Variants in CMTR1 observed in about 807,000 individuals in gnomAD.
The protein encoded by CMTR1 is cap-specific mRNA (nucleoside-2'-O-)-methyltransferase 1.
In CMTR1, 39 loss-of-function variants were observed where a neutral mutation model predicts 107.0. The observed-to-expected ratio is 0.36, with a 90% CI of 0.28 to 0.48. The LOEUF is 0.48. Among genes scored for constraint, CMTR1 ranks in the 20% least tolerant of loss-of-function variants. The pLI is 0.99. For missense variants in CMTR1, 672 were observed against 1,064.9 expected, an observed-to-expected ratio of 0.63 and a Z score of 5.14; for synonymous variants, 366 against 379.5, an observed-to-expected ratio of 0.96 and a Z score of 0.41.
intron 13 of CMTR1, among the ~76,000 whole-genome samples, chr6:37,464,466 CAAAA>C (rs536711395): frequency 1.7e-5 from 2 of 116,916 alleles, no homozygotes; most frequent in African/African-American, 3.2e-5. Context: ...GACTCCATCT[CAAAA>C]AAAAAAAAAA....
At chr6:37,473,365 A>G (rs779672505) in intron 16 of CMTR1, 105 bp from the exon 17 acceptor site, 13 of 1,272,096 alleles carry the variant, frequency 1.0e-5, no homozygotes, top group East Asian at 7.1e-5. Context: ...CAGAGAGCCA[A>G]TGCTTCCTGT....
chr6:37,459,756 T>G, intron 10 of CMTR1, 72 bp downstream of exon 10: 1 of 1,093,538 alleles, frequency 9.1e-7, no homozygotes, highest in Non-Finnish European at 1.4e-6. Flanking sequence ...ATTGTTTGTT[T>G]TATCTGGTTC....
At chr6:37,476,344 C>A in intron 20 of CMTR1, 150 bp downstream of exon 20, 1 of 774,648 alleles carries the variant, frequency 1.3e-6, no homozygotes, top group East Asian at 2.6e-5. Context: ...TTTGGGGGTG[C>A]TAGGTAGGTG....
rs1268955505 is a variant in CMTR1 at position 37,458,081 on chromosome 6, G to T, written c.778-531G>T. Among the ~76,000 whole-genome samples the T allele has an allele frequency of 6.6e-6, 1 of 152,150 alleles. No individual in the cohort carries two copies. The highest frequency in any genetic ancestry group is 2.4e-5 in the African/African-American group (1 of 41,434). On this transcript the variant is annotated intron_variant, in intron 8 of 23. Transcript: ENST00000373451. This position sits in a 1 kb window ranked among gnomAD's most constrained non-coding sequence, Gnocchi z 4.7. ...TTTTTGTTGTTTTTGTTGAGACAGGGTCTCGGTCTGTCGCCCAGGCTCAAG... is the reference window on the plus strand; with the variant it reads ...TTTTTGTTGTTTTTGTTGAGACAGGTTCTCGGTCTGTCGCCCAGGCTCAAG...
At chr6:37,428,062 A>AGAGAGAGAGAGAGAC in the CMTR1 span, among the ~76,000 whole-genome samples, 4 of 92,856 alleles carry the variant, frequency 4.3e-5, no homozygotes, top group Admixed American at 1.1e-4. Flanking sequence ...GAGAGAGAGA[A>AGAGAGAGAGAGAGAC]ACTCTCTAAA....
chr6:37,466,712 T>G (rs545407691), intron 13 of CMTR1, among the ~76,000 whole-genome samples: 10 of 152,292 alleles, frequency 6.6e-5, no homozygotes, highest in African/African-American at 2.2e-4. Flanking sequence ...TGTAGGAAGT[T>G]TTAAAATTAG....
chr6:37,475,525 C>T, intron 19 of CMTR1, 113 bp downstream of exon 19: 1 of 854,380 alleles, frequency 1.2e-6, no homozygotes, highest in Non-Finnish European at 1.9e-6. Flanking sequence ...TTGTTGACAT[C>T]CTGAGAGTTT....
Position 37,444,072 on chromosome 6 carries a change from T to C in CMTR1, c.207T>C (p.Asp69=), listed in dbSNP as rs1771729979. The change falls in exon 3 of 24, where the codon GAT becomes GAC. Residue 69 remains aspartate (D), a synonymous_variant. Transcript: ENST00000373451. ...AACACAGCTCTGACTCTTTTGACGATGCATTCAAAGCAGACTCTCTTGTGG... is the reference window on the plus strand; with the variant it reads ...AACACAGCTCTGACTCTTTTGACGACGCATTCAAAGCAGACTCTCTTGTGG... ...GKQHSSDSFD[D]AFKADSLVEG... 2.5e-6 allele frequency: 4 copies of C among 1,614,198 alleles called. No individual in the cohort carries two copies. Among genetic ancestry groups the C allele is most frequent in the Non-Finnish European group, 3.4e-6 (4 of 1,180,026 alleles).
chr6:37,470,682 A>C (rs749168943), intron 13 of CMTR1, among the ~76,000 whole-genome samples: 23 of 152,194 alleles, frequency 1.5e-4, no homozygotes, highest in Non-Finnish European at 2.9e-4. Flanking sequence ...GGCTGTTAGT[A>C]TACATAGGTC....
intron 8 of CMTR1, among the ~76,000 whole-genome samples, chr6:37,455,086 G>T (rs1581738419): frequency 6.8e-6 from 1 of 147,278 alleles, no homozygotes; most frequent in Non-Finnish European, 1.5e-5. Context: ...GCAGACTGAA[G>T]TTTTTTTTTT....
intron 6 of CMTR1, among the ~76,000 whole-genome samples, chr6:37,452,616 G>A (rs562858248): frequency 6.6e-6 from 1 of 152,266 alleles, no homozygotes; most frequent in Non-Finnish European, 1.5e-5. Context: ...CTACTGTGTG[G>A]TAGGTGCCAT....
rs1037314716 is a variant in CMTR1, at chr6:37,471,997, C to T, written c.1620+93C>T. On this transcript the variant is annotated intron_variant, in intron 15 of 23. Coordinates refer to ENST00000373451, the MANE Select transcript of CMTR1 (RefSeq NM_015050.3). ...CCAATCCTGTCACCTTAGGGTGTCT[C>T]TGCATCCAAAAATATCTGCTACCCT... The T allele has an allele frequency of 7.8e-6, 9 of 1,157,534 alleles. No individual in the cohort carries two copies. The African/African-American group carries it at 1.1e-4, about 14-fold the overall frequency. 71.7% of individuals were successfully genotyped at this position (1,157,534 alleles called of 1,614,324 possible).
In CMTR1 at chr6:37,445,858, T is replaced by C. The variant is rs1056645665; in HGVS notation, c.286-433T>C. On this transcript the variant is annotated intron_variant, in intron 3 of 23. Transcript: ENST00000373451. ...AAGTGGGCTCCTGCCAAGCCACTTATCCTTGCCTAGTAAGGCTGTTTGACT... is the reference window on the plus strand; with the variant it reads ...AAGTGGGCTCCTGCCAAGCCACTTACCCTTGCCTAGTAAGGCTGTTTGACT... Among the ~76,000 whole-genome samples, 6 of 152,316 alleles carry C rather than the reference T, an allele frequency of 3.9e-5. 1 individual carries two copies. The highest frequency in any genetic ancestry group is 1.4e-4 in the African/African-American group (6 of 41,574).
intron 10 of CMTR1, among the ~76,000 whole-genome samples, chr6:37,460,304 T>C (rs1441677171): frequency 2.6e-5 from 4 of 152,300 alleles, no homozygotes; most frequent in Non-Finnish European, 4.4e-5. Context: ...GGGCAGGATG[T>C]CAGCATGATA....
At position 37,474,655 on chromosome 6, in the gene CMTR1, T is replaced by C. The variant is rs1407937130; in HGVS notation, c.1944+9T>C. 6.2e-7 allele frequency: 1 copy of C among 1,613,296 alleles called. No individual in the cohort carries two copies. The highest frequency in any genetic ancestry group is 1.1e-5 in the South Asian group (1 of 91,030). ...ATGAGCTGAAAGGGGAGGTCAGAGA[T>C]GGTTCTGCTCAGGTGTTGGCCCTGC... is the stretch of plus-strand genomic sequence containing the variant. On this transcript the variant is annotated intron_variant, in intron 18 of 23. Transcript: ENST00000373451.
chr6:37,451,905 A>T, intron 6 of CMTR1, 28 bp downstream of exon 6: 2 of 1,582,818 alleles, frequency 1.3e-6, no homozygotes, highest in Non-Finnish European at 1.7e-6. Flanking sequence ...GAACCAGATA[A>T]TGAAAACCTT....
intron 2 of CMTR1, among the ~76,000 whole-genome samples, chr6:37,437,671 G>A (rs1771567503): frequency 6.6e-6 from 1 of 152,168 alleles, no homozygotes; most frequent in Non-Finnish European, 1.5e-5. Context: ...TGAAGTTCCT[G>A]AGTAAGAAGG....
upstream of CMTR1, among the ~76,000 whole-genome samples, chr6:37,431,012 CAAAAAAAAAAAA>C (rs34543353): frequency 2.2e-4 from 11 of 50,368 alleles, no homozygotes; most frequent in African/African-American, 8.0e-4. Flanking sequence ...GACTCCGTCT[CAAAAAAAAAAAA>C]AAAAAAAAAA....
intron 10 of CMTR1, among the ~76,000 whole-genome samples, chr6:37,461,096 C>A (rs972436750): frequency 6.6e-6 from 1 of 152,198 alleles, no homozygotes; most frequent in Admixed American, 6.5e-5. Context: ...TAACTTTTCT[C>A]CTTCACCAGA....
Sources: allele counts gnomAD v4.1 joint callset (sites outside exome capture counted in the v4.1 genomes callset), GRCh38; gene constraint gnomAD v4.1.1; non-coding constraint Gnocchi (gnomAD v3.1); transcripts MANE v1.5; gene names NCBI Gene and HGNC (gene_info 2026-07-23, HGNC 2026-07-21).